SYNE1: variants seen among roughly 807,000 people sequenced by gnomAD.
The protein encoded by SYNE1 is nesprin-1.
SYNE1 carries 616 observed loss-of-function variants against 1,111.0 expected under a neutral mutation model. That is an observed-to-expected ratio of 0.55 (90% CI 0.52 to 0.59). The LOEUF (loss-of-function observed/expected upper bound fraction) is 0.59. Ranked by LOEUF, SYNE1 falls within the 20% of genes least tolerant of loss-of-function variation. SYNE1 has a pLI of 0.00. For missense variants in SYNE1, 10,006 were observed against 10,417.0 expected, an observed-to-expected ratio of 0.96 and a Z score of 1.72; for synonymous variants, 3,855 against 3,825.8, an observed-to-expected ratio of 1.01 and a Z score of -0.28.
At position 152,385,782 on chromosome 6, in the gene SYNE1, C is replaced by T. The variant is rs776642978; in HGVS notation, c.8544G>A (p.Ala2848=). 2.0e-5 allele frequency: 32 copies of T among 1,613,998 alleles called. No homozygotes were observed. Among genetic ancestry groups the T allele is most frequent in the Non-Finnish European group, 2.6e-5 (31 of 1,179,974 alleles). Residue 2848 remains alanine, a synonymous_variant, in exon 55 of 146, where the codon GCG becomes GCA. Transcript: ENST00000367255. ...IVKDHLMYLD[A]VHEFTDWLHS... is the part of the protein sequence containing the mutation. Reference sequence around the variant, plus strand: ...GGAGCCAATCTGTGAACTCGTGGACCGCATCTAAATACATTAGATGATCTT... The same window carrying T: ...GGAGCCAATCTGTGAACTCGTGGACTGCATCTAAATACATTAGATGATCTT...
At chr6:152,398,357 G>C (rs1423031613) in intron 49 of SYNE1, among the ~76,000 whole-genome samples, 1 of 152,002 alleles carries the variant, frequency 6.6e-6, no homozygotes, top group Non-Finnish European at 1.5e-5. Flanking sequence ...ATTAAAACTA[G>C]GTTTAGTTTA....
intron 3 of SYNE1, among the ~76,000 whole-genome samples, chr6:152,554,277 T>C (rs2099357811): frequency 6.6e-6 from 1 of 152,170 alleles, no homozygotes; most frequent in Non-Finnish European, 1.5e-5. Context: ...ATTAGTTGTA[T>C]GCTATGTTCG....
intron 2 of SYNE1, among the ~76,000 whole-genome samples, chr6:152,629,147 G>C (rs2099692449): frequency 6.6e-6 from 1 of 152,000 alleles, no homozygotes; most frequent in Admixed American, 6.6e-5. Flanking sequence ...GAGTTTTAAG[G>C]CTAGGGTGGG....
intron 132 of SYNE1, chr6:152,155,251 C>T (rs2061179163): frequency 9.0e-6 from 5 of 557,838 alleles, no homozygotes; most frequent in Non-Finnish European, 1.6e-5. Context: ...TTTTTAAAAA[C>T]ACGTCCTGCA....
In SYNE1 at chr6:152,302,178, G is replaced by A. The variant is rs145151286; in HGVS notation, c.17347-115C>T. The A allele has an allele frequency of 4.4e-3, 6,278 of 1,418,086 alleles. 16 individuals are homozygous for A. The highest frequency in any genetic ancestry group is 5.5e-3 in the Non-Finnish European group (5,559 of 1,018,166). The allele number at this position is 1,418,086 out of a possible 1,614,324, so 87.8% of individuals were successfully genotyped here. A position where few individuals can be genotyped will look rare whatever the true frequency, so the allele number is the denominator to read the frequency against. On this transcript the variant is annotated intron_variant, in intron 91 of 145. Coordinates refer to ENST00000367255, the MANE Select transcript of SYNE1 (RefSeq NM_182961.4). ...TGAGCGCGCAGAGCCGCGCGGGCCC[G>A]GGAGGCAGGATGTGTAGGCGGCGAG...
intron 123 of SYNE1, among the ~76,000 whole-genome samples, chr6:152,213,289 T>C (rs1054589337): frequency 2.0e-5 from 3 of 152,166 alleles, no homozygotes; most frequent in Non-Finnish European, 2.9e-5. Flanking sequence ...CTAACCCAGT[T>C]TGAAAATTGT....
In SYNE1 at chr6:152,127,015, T is replaced by C. The variant is rs577381065; in HGVS notation, c.26153+3705A>G. On this transcript the variant is annotated intron_variant, in intron 145 of 145. Coordinates refer to ENST00000367255, the MANE Select transcript of SYNE1 (RefSeq NM_182961.4). ...GTCCGTGATCTTGATCCTGCCCTTA[T>C]GTGTCTTGTCTTTGAAACCCAGTGT... 2.0e-5 allele frequency: 3 copies of C among 152,358 alleles called. No individual in the cohort carries two copies. In the East Asian group the frequency reaches 5.8e-4, roughly 29 times the overall value. The allele number at this position is 152,358 out of a possible 1,614,324, so 9.4% of individuals were successfully genotyped here.
chr6:152,342,930 G>A (rs866195433), intron 74 of SYNE1, among the ~76,000 whole-genome samples: 2 of 152,058 alleles, frequency 1.3e-5, no homozygotes, highest in Non-Finnish European at 2.9e-5. Context: ...TATGCAAGAA[G>A]CTAGTATTAC....
At chr6:152,213,413 A>C (rs1354863142) in intron 123 of SYNE1, among the ~76,000 whole-genome samples, 199 bp downstream of exon 123, 2 of 152,206 alleles carry the variant, frequency 1.3e-5, no homozygotes, top group African/African-American at 4.8e-5. Flanking sequence ...GCTTATAAAC[A>C]ATCATGGAGC....
At chr6:152,346,681 G>C (rs531427252) in intron 73 of SYNE1, among the ~76,000 whole-genome samples, 1 of 151,954 alleles carries the variant, frequency 6.6e-6, no homozygotes, top group African/African-American at 2.4e-5. Context: ...GTGGTGGCGG[G>C]CGCCTGTAGT....
At chr6:152,462,465 T>A (rs2098739871) in intron 20 of SYNE1, 2 of 576,456 alleles carry the variant, frequency 3.5e-6, no homozygotes, top group Non-Finnish European at 6.1e-6. Context: ...TATCTATAGA[T>A]GTCTCCTGTT....
At chr6:152,207,939 A>C (rs371083300) in intron 125 of SYNE1, 33 bp downstream of exon 125, 6 of 1,608,914 alleles carry the variant, frequency 3.7e-6, no homozygotes, top group Non-Finnish European at 5.1e-6. Flanking sequence ...GAAATGCCTA[A>C]GAGGTGTGAG....
At chr6:152,337,049 C>G (rs750429876) in intron 75 of SYNE1, 32 bp from the exon 76 acceptor site, 1 of 1,603,194 alleles carries the variant, frequency 6.2e-7, no homozygotes, top group South Asian at 1.1e-5. Flanking sequence ...AAGTTAGCAA[C>G]CATACATGGA....
chr6:152,582,496 T>C (rs1309790459), intron 3 of SYNE1, among the ~76,000 whole-genome samples: 2 of 151,934 alleles, frequency 1.3e-5, no homozygotes, highest in African/African-American at 2.4e-5. Flanking sequence ...CACACACACA[T>C]ATATTACATA....
intron 95 of SYNE1, among the ~76,000 whole-genome samples, chr6:152,287,201 A>T (rs2094380560): frequency 6.6e-6 from 1 of 152,182 alleles, no homozygotes; most frequent in South Asian, 2.1e-4. Flanking sequence ...TTTGGTAATA[A>T]CTTCACATTT....
rs547574777 is a variant in SYNE1 at position 152,497,705 on chromosome 6, A to G, written c.939+1037T>C. 5.1e-4 allele frequency among the ~76,000 whole-genome samples: 77 copies of G among 152,342 alleles called. No homozygotes were observed. The South Asian group carries it at 5.2e-3, about 10-fold the overall frequency. On this transcript the variant is annotated intron_variant, in intron 11 of 145. Transcript: ENST00000367255. ...CTAATGGTTGGAAAGTGTCTAGCAG[A>G]TTGCAATAAGGTGAGAAGGATGTCG... is the stretch of plus-strand genomic sequence containing the variant.
chr6:152,431,409 G>A (rs143109530), intron 34 of SYNE1, among the ~76,000 whole-genome samples: 1 of 152,150 alleles, frequency 6.6e-6, no homozygotes, highest in East Asian at 1.9e-4. Context: ...CCCACATACT[G>A]TCATTTCAAT....
intron 54 of SYNE1, among the ~76,000 whole-genome samples, chr6:152,386,360 G>A (rs559547971): frequency 2.6e-5 from 4 of 152,080 alleles, no homozygotes; most frequent in African/African-American, 4.8e-5. Context: ...CAAACTTAAC[G>A]TCTTTTTGAC....
At chr6:152,563,367 C>T (rs1455919591) in intron 3 of SYNE1, among the ~76,000 whole-genome samples, 5 of 151,976 alleles carry the variant, frequency 3.3e-5, no homozygotes, top group East Asian at 1.9e-4. Context: ...CCAAATGCAC[C>T]GCTCCCCAGT....
Sources: gnomAD v4.1 joint callset for allele counts (sites outside exome capture counted in the v4.1 genomes callset) on GRCh38, gnomAD v4.1.1 for gene constraint, MANE v1.5 for transcripts, NCBI Gene and HGNC (gene_info 2026-07-23, HGNC 2026-07-21) for gene names.